The following CSMD1 variants were observed in gnomAD, a reference collection of about 807,000 sequenced individuals.
CSMD1 encodes the protein CUB and sushi domain-containing protein 1.
Under a neutral mutation model 417.5 loss-of-function variants are expected in CSMD1, and 213 were observed. That is an observed-to-expected ratio of 0.51 (90% CI 0.46 to 0.57). CSMD1 has a LOEUF of 0.57. CSMD1 is among the 20% of genes least tolerant of loss of function. CSMD1 has a pLI of 0.00. For missense variants in CSMD1, 6,923 were observed against 4,529.7 expected, an observed-to-expected ratio of 1.53 and a Z score of -15.17; for synonymous variants, 2,862 against 1,736.8, an observed-to-expected ratio of 1.65 and a Z score of -16.11.
intron 5 of CSMD1, among the ~76,000 whole-genome samples, chr8:3,937,239 G>A (rs2162263): frequency 0.34 from 51,920 of 151,986 alleles, 9,208 homozygotes; most frequent in African/African-American, 0.45. Context: ...CATAAACTCA[G>A]TTAATAAAGC....
chr8:4,565,740 AAATATATAC>A (rs1798566624), intron 2 of CSMD1, among the ~76,000 whole-genome samples: 2 of 117,408 alleles, frequency 1.7e-5, no homozygotes, highest in East Asian at 4.8e-4. Context: ...ACCTTAAAAA[AAATATATAC>A]ATATATATAT....
chr8:3,084,686 A>T (rs1814394580), intron 49 of CSMD1, among the ~76,000 whole-genome samples: 1 of 152,086 alleles, frequency 6.6e-6, no homozygotes, highest in Non-Finnish European at 1.5e-5. Flanking sequence ...CTTTAAGCAT[A>T]AGCAAAAACT....
chr8:3,194,485 A>T (rs1012876204), intron 33 of CSMD1, among the ~76,000 whole-genome samples: 1 of 145,916 alleles, frequency 6.9e-6, no homozygotes, highest in Non-Finnish European at 1.5e-5. Context: ...TGAGGTGGAA[A>T]CTCATTCTGT....
intron 3 of CSMD1, among the ~76,000 whole-genome samples, chr8:4,154,711 A>G (rs922410032): frequency 2.0e-5 from 3 of 152,202 alleles, no homozygotes; most frequent in Non-Finnish European, 4.4e-5. Flanking sequence ...GGAAAAAGAG[A>G]TCATGTTTGT....
At chr8:3,178,558 G>A (rs1231272074) in intron 37 of CSMD1, among the ~76,000 whole-genome samples, 2 of 152,130 alleles carry the variant, frequency 1.3e-5, no homozygotes, top group Non-Finnish European at 2.9e-5. Flanking sequence ...GCCTCTGCAT[G>A]CCATCTGTTA....
At chr8:3,228,782 GAAAA>G (rs77087790) in intron 27 of CSMD1, among the ~76,000 whole-genome samples, 1 of 141,182 alleles carries the variant, frequency 7.1e-6, no homozygotes, top group African/African-American at 2.7e-5. Context: ...AAAATGGAAG[GAAAA>G]AAAAAAACCC....
chr8:3,362,710 G>C (rs148780921), intron 20 of CSMD1, among the ~76,000 whole-genome samples: 2 of 152,188 alleles, frequency 1.3e-5, no homozygotes, highest in African/African-American at 2.4e-5. Context: ...AACCTGCTTT[G>C]CTTCCAGTGG....
At chr8:4,871,742 T>G (rs987742245) in intron 1 of CSMD1, among the ~76,000 whole-genome samples, 1 of 152,094 alleles carries the variant, frequency 6.6e-6, no homozygotes, top group Non-Finnish European at 1.5e-5. Context: ...GTTCATATTA[T>G]TGTATGGGAG....
At chr8:3,251,125 T>C (rs1341105172) in intron 26 of CSMD1, among the ~76,000 whole-genome samples, 2 of 152,164 alleles carry the variant, frequency 1.3e-5, no homozygotes. Flanking sequence ...GTTTTAGACA[T>C]GAAGTCCTTG....
At chr8:3,304,760 A>G (rs931231341) in intron 25 of CSMD1, among the ~76,000 whole-genome samples, 3 of 151,956 alleles carry the variant, frequency 2.0e-5, no homozygotes, top group Non-Finnish European at 2.9e-5. Flanking sequence ...AAATGTTAAC[A>G]AAGTATTAGA....
intron 5 of CSMD1, among the ~76,000 whole-genome samples, chr8:3,987,191 T>C (rs1053953773): frequency 6.6e-6 from 1 of 152,196 alleles, no homozygotes; most frequent in Non-Finnish European, 1.5e-5. Context: ...CTTCTTACTT[T>C]ACACACACCG....
intron 2 of CSMD1, among the ~76,000 whole-genome samples, chr8:4,541,923 T>C (rs975429199): frequency 3.3e-5 from 5 of 152,070 alleles, no homozygotes; most frequent in Admixed American, 1.3e-4. Context: ...TCCATTTCTA[T>C]AGGATGAATG....
chr8:3,564,746 C>T (rs559052975), intron 10 of CSMD1, among the ~76,000 whole-genome samples: 1 of 129,634 alleles, frequency 7.7e-6, no homozygotes, highest in South Asian at 2.3e-4. Context: ...ACCAAACACA[C>T]AAAAAACCCA....
intron 2 of CSMD1, among the ~76,000 whole-genome samples, chr8:4,602,251 G>A (rs540532569): frequency 6.6e-6 from 1 of 152,064 alleles, no homozygotes; most frequent in Admixed American, 6.6e-5. Flanking sequence ...AGTTATTTTA[G>A]AAGAGAAAAT....
intron 10 of CSMD1, among the ~76,000 whole-genome samples, chr8:3,564,377 G>C (rs1457940443): frequency 6.6e-6 from 1 of 152,080 alleles, no homozygotes; most frequent in African/African-American, 2.4e-5. Flanking sequence ...CACAAACCTA[G>C]ACATTCATTC....
At chr8:4,380,888 G>T (rs887566745) in intron 3 of CSMD1, among the ~76,000 whole-genome samples, 2 of 151,836 alleles carry the variant, frequency 1.3e-5, no homozygotes, top group African/African-American at 2.4e-5. Context: ...TATATTTTAG[G>T]TAGTAATAAT....
chr8:4,779,209 T>G (rs4270984), intron 1 of CSMD1, among the ~76,000 whole-genome samples: 14,173 of 152,204 alleles, frequency 0.093, 876 homozygotes, highest in East Asian at 0.33. Context: ...CTGGTCTGAT[T>G]AATATTGTTA....
At chr8:4,761,024 G>C (rs1003788946) in intron 1 of CSMD1, among the ~76,000 whole-genome samples, 2 of 152,050 alleles carry the variant, frequency 1.3e-5, no homozygotes, top group Non-Finnish European at 2.9e-5. Context: ...TTTGGTGTCA[G>C]AATACACAGT....
intron 1 of CSMD1, among the ~76,000 whole-genome samples, chr8:4,806,485 T>A (rs1055382951): frequency 1.1e-4 from 17 of 152,192 alleles, no homozygotes; most frequent in Non-Finnish European, 2.5e-4. Context: ...GGCCATCTAT[T>A]TAGTTTACAT....
Sources: gnomAD v4.1 joint callset for allele counts (sites outside exome capture counted in the v4.1 genomes callset) on GRCh38, gnomAD v4.1.1 for gene constraint, MANE v1.5 for transcripts, NCBI Gene and HGNC (gene_info 2026-07-23, HGNC 2026-07-21) for gene names.